GFRA1: variants seen among roughly 807,000 people sequenced by gnomAD.
The protein encoded by GFRA1 is GDNF family receptor alpha 1.
In GFRA1, 16 loss-of-function variants were observed where a neutral mutation model predicts 51.6. The observed-to-expected ratio is 0.31, with a 90% CI of 0.21 to 0.47. GFRA1 has a LOEUF of 0.47. Ranked by LOEUF, GFRA1 falls within the 20% of genes least tolerant of loss-of-function variation. The probability of loss-of-function intolerance (pLI) is 1.00; values close to 1 mark genes in which losing one functional copy is unlikely to be tolerated. For synonymous variants in GFRA1, 270 were observed against 241.3 expected, an observed-to-expected ratio of 1.12 and a Z score of -1.10; for missense variants, 530 against 594.3, an observed-to-expected ratio of 0.89 and a Z score of 1.13.
chr10:116,088,844 C>T (rs2133868363), intron 9 of GFRA1, among the ~76,000 whole-genome samples: 1 of 144,638 alleles, frequency 6.9e-6, no homozygotes, highest in South Asian at 2.2e-4. Flanking sequence ...TGGCGTGAAC[C>T]CGGGAGGCGG....
intron 5 of GFRA1, among the ~76,000 whole-genome samples, chr10:116,203,812 C>T (rs1355143374): frequency 6.6e-6 from 1 of 152,214 alleles, no homozygotes; most frequent in Non-Finnish European, 1.5e-5. Flanking sequence ...TTTAAGCACT[C>T]AACAGCTGGA....
intron 4 of GFRA1, among the ~76,000 whole-genome samples, chr10:116,217,022 C>G (rs4559603): frequency 0.98 from 148,899 of 152,312 alleles, 72,866 homozygotes; most frequent in East Asian, 1. Context: ...TCTGTGAATG[C>G]AGTGAATTTT....
intron 5 of GFRA1, among the ~76,000 whole-genome samples, chr10:116,178,102 G>A (rs1426029885): frequency 6.6e-6 from 1 of 152,228 alleles, no homozygotes; most frequent in Non-Finnish European, 1.5e-5. Flanking sequence ...TTGAAAAGCA[G>A]AGGACAGTTC....
At chr10:116,125,672 T>G (rs1957842314) in intron 5 of GFRA1, 115 bp from the exon 6 acceptor site, 1 of 813,198 alleles carries the variant, frequency 1.2e-6, no homozygotes, top group Non-Finnish European at 2.0e-6. Flanking sequence ...CTCTAGAACT[T>G]AATGAGTTTT....
At chr10:116,207,101 G>T (rs1367646611) in intron 5 of GFRA1, among the ~76,000 whole-genome samples, 2 of 88,840 alleles carry the variant, frequency 2.3e-5, no homozygotes, top group African/African-American at 6.5e-5. Context: ...GACAAACAGG[G>T]TCAGGTATTT....
chr10:116,113,897 G>A (rs1957308449), intron 6 of GFRA1, among the ~76,000 whole-genome samples: 1 of 152,182 alleles, frequency 6.6e-6, no homozygotes, highest in African/African-American at 2.4e-5. Context: ...CCAAGTACGT[G>A]TTGCTCGCCT....
In GFRA1 at chr10:116,060,836, A is replaced by AACTT. The variant is rs1216502378; in HGVS notation, c.*3558_*3561dup. The AACTT allele has an allele frequency of 6.6e-6, 1 of 152,148 alleles. No individual in the cohort carries two copies. The highest frequency in any genetic ancestry group is 1.5e-5 in the Non-Finnish European group (1 of 68,036). The allele number at this position is 152,148 out of a possible 1,614,324, so 9.4% of individuals were successfully genotyped here. ...ATGTCTAACTAACTGCATGAATGAA[A>AACTT]ACTTATTTTCCAAAAGACAGCTCCT... On this transcript the variant is annotated 3_prime_UTR_variant, in exon 11 of 11. Coordinates refer to ENST00000355422, the MANE Select transcript of GFRA1 (RefSeq NM_005264.8).
At chr10:116,071,909 T>G (rs1240759149) in intron 9 of GFRA1, among the ~76,000 whole-genome samples, 2 of 152,116 alleles carry the variant, frequency 1.3e-5, no homozygotes, top group African/African-American at 4.8e-5. Context: ...ATGTTTTGCA[T>G]AAGCCACGCC....
chr10:116,219,633 A>G (rs1186703202), intron 4 of GFRA1, among the ~76,000 whole-genome samples: 1 of 152,244 alleles, frequency 6.6e-6, no homozygotes, highest in Admixed American at 6.5e-5. Flanking sequence ...AAAGAAGCTG[A>G]CAAGTAACAT....
intron 4 of GFRA1, among the ~76,000 whole-genome samples, chr10:116,235,096 A>G (rs1395279794): frequency 6.6e-6 from 1 of 152,206 alleles, no homozygotes; most frequent in African/African-American, 2.4e-5. Context: ...AGTCGCAGGT[A>G]TGTTTTTATT....
chr10:116,207,463 G>T (rs1189043718), intron 5 of GFRA1, among the ~76,000 whole-genome samples: 1 of 152,196 alleles, frequency 6.6e-6, no homozygotes, highest in African/African-American at 2.4e-5. Flanking sequence ...CAGAGCTGGG[G>T]AGTAGCCACC....
At chr10:116,064,577 T>A in intron 10 of GFRA1, 33 bp from the exon 11 acceptor site, 1 of 1,586,494 alleles carries the variant, frequency 6.3e-7, no homozygotes. Flanking sequence ...TATCATCCAC[T>A]GCATGTCTTC....
At chr10:116,096,908 CAAA>C in intron 6 of GFRA1, 144 bp from the exon 7 acceptor site, 1 of 658,064 alleles carries the variant, frequency 1.5e-6, no homozygotes, top group Non-Finnish European at 2.8e-6. Flanking sequence ...CACATACACA[CAAA>C]ATACGTAGAA....
rs1219414129 is a variant in GFRA1 at position 116,196,690 on chromosome 10, CTA to C, written c.433+14939_433+14940del. The stretch of plus-strand genomic sequence containing the variant: ...TATATAATATATATAATATATAGTA[CTA>C]TATATAATATATATTATATATAGTA... On this transcript the variant is annotated intron_variant, in intron 5 of 10. Transcript: ENST00000355422. Among the ~76,000 whole-genome samples, 22 of 35,910 alleles carry C rather than the reference CTA, an allele frequency of 6.1e-4. 2 individuals carry two copies. The highest frequency in any genetic ancestry group is 9.4e-4 in the Non-Finnish European group (20 of 21,382). 23.6% of individuals were successfully genotyped at this position (35,910 alleles called of 152,430 possible). A position where few individuals can be genotyped will look rare whatever the true frequency, so the allele number is the denominator to read the frequency against.
chr10:116,097,285 C>T (rs1956638477), intron 6 of GFRA1, among the ~76,000 whole-genome samples: 1 of 152,162 alleles, frequency 6.6e-6, no homozygotes. Flanking sequence ...ATCCACCAGC[C>T]CAGGGGTAGT....
At chr10:116,216,740 T>C (rs74158408) in intron 4 of GFRA1, among the ~76,000 whole-genome samples, 4,624 of 152,300 alleles carry the variant, frequency 0.03, 160 homozygotes, top group African/African-American at 0.089. Flanking sequence ...AGTCCTCCTG[T>C]GGTTTGAGCT....
chr10:116,261,340 T>A (rs978797278), intron 4 of GFRA1, among the ~76,000 whole-genome samples: 3 of 152,206 alleles, frequency 2.0e-5, no homozygotes, highest in African/African-American at 7.2e-5. Flanking sequence ...GGGACGGGAC[T>A]AGAACGACCT....
intron 4 of GFRA1, among the ~76,000 whole-genome samples, chr10:116,260,096 T>C (rs1434825076): frequency 1.3e-5 from 2 of 152,224 alleles, no homozygotes; most frequent in Non-Finnish European, 2.9e-5. Context: ...TGACCAAAAA[T>C]AGGTCACTTG....
At chr10:116,247,970 A>T (rs1316786404) in intron 4 of GFRA1, among the ~76,000 whole-genome samples, 1 of 152,120 alleles carries the variant, frequency 6.6e-6, no homozygotes, top group Non-Finnish European at 1.5e-5. Flanking sequence ...TCCCTGTAAT[A>T]GTTTCTGTTT....
Sources: gnomAD v4.1 joint callset for allele counts (sites outside exome capture counted in the v4.1 genomes callset) on GRCh38, gnomAD v4.1.1 for gene constraint, MANE v1.5 for transcripts, NCBI Gene and HGNC (gene_info 2026-07-23, HGNC 2026-07-21) for gene names.